The following REEP3 variants were observed in gnomAD, a reference collection of about 807,000 sequenced individuals.
REEP3 encodes receptor accessory protein 3.
Under a neutral mutation model 41.3 loss-of-function variants are expected in REEP3, and 20 were observed. The ratio of observed to expected loss-of-function variants is 0.48; its 90% CI spans 0.34 to 0.70. The LOEUF (loss-of-function observed/expected upper bound fraction) is 0.70, where lower values mean the gene tolerates loss of function less well. REEP3 is among the 30% of genes least tolerant of loss of function. The probability of loss-of-function intolerance (pLI) is 0.01; values close to 1 mark genes in which losing one functional copy is unlikely to be tolerated. For synonymous variants in REEP3, 104 were observed against 101.8 expected (o/e 1.02, Z -0.13); for missense variants, 271 against 308.8 (o/e 0.88, Z 0.92).
At chr10:63,530,539 A>G (rs1955410786) in intron 1 of REEP3, among the ~76,000 whole-genome samples, 1 of 152,236 alleles carries the variant, frequency 6.6e-6, no homozygotes, top group Admixed American at 6.5e-5. Flanking sequence ...GTCTTCTTTC[A>G]TTAAGAAAGA....
chr10:63,556,202 G>A (rs952397573), intron 1 of REEP3, among the ~76,000 whole-genome samples: 3 of 151,952 alleles, frequency 2.0e-5, no homozygotes, highest in Admixed American at 6.6e-5. Context: ...TGCAACCTCC[G>A]CTTCCCAGGT....
At chr10:63,595,533 C>T (rs768883422) in intron 3 of REEP3, among the ~76,000 whole-genome samples, 6 of 152,056 alleles carry the variant, frequency 3.9e-5, no homozygotes, top group Non-Finnish European at 8.8e-5. Flanking sequence ...CTGCCCTTGA[C>T]GCACAAACCT....
At chr10:63,578,117 A>G (rs916664212) in intron 2 of REEP3, among the ~76,000 whole-genome samples, 1 of 152,042 alleles carries the variant, frequency 6.6e-6, no homozygotes, top group Non-Finnish European at 1.5e-5. Context: ...TTATTTATTT[A>G]AAGTCGGAGT....
chr10:63,583,566 G>A (rs1955975429), intron 2 of REEP3, among the ~76,000 whole-genome samples: 1 of 152,176 alleles, frequency 6.6e-6, no homozygotes, highest in African/African-American at 2.4e-5. Context: ...GAGCCAGATG[G>A]AGTCGACTGT....
intron 1 of REEP3, among the ~76,000 whole-genome samples, chr10:63,541,842 A>G (rs1955531072): frequency 6.6e-6 from 1 of 152,188 alleles, no homozygotes. Flanking sequence ...GGATAAAAGC[A>G]ATATTAAATT....
At chr10:63,542,283 G>T (rs1262323181) in intron 1 of REEP3, among the ~76,000 whole-genome samples, 1 of 151,808 alleles carries the variant, frequency 6.6e-6, no homozygotes, top group Non-Finnish European at 1.5e-5. Context: ...TCCCATGCTG[G>T]CCAGTTGGTC....
At chr10:63,535,667 A>G (rs1476655038) in intron 1 of REEP3, among the ~76,000 whole-genome samples, 1 of 152,260 alleles carries the variant, frequency 6.6e-6, no homozygotes, top group African/African-American at 2.4e-5. Context: ...AACATGTAAC[A>G]AATCCAGAAA....
At chr10:63,552,450 A>G (rs1311106545) in intron 1 of REEP3, among the ~76,000 whole-genome samples, 3 of 152,202 alleles carry the variant, frequency 2.0e-5, no homozygotes, top group Non-Finnish European at 4.4e-5. Flanking sequence ...TGAACTATTA[A>G]TACCTAAAGT....
At chr10:63,615,549 T>C (rs1956305634) in intron 6 of REEP3, among the ~76,000 whole-genome samples, 1 of 114,312 alleles carries the variant, frequency 8.7e-6, no homozygotes, top group African/African-American at 2.8e-5. Flanking sequence ...TAAATTAAAC[T>C]TTTTTTTTTT....
chr10:63,560,850 G>A (rs1351479122), intron 1 of REEP3, among the ~76,000 whole-genome samples: 1 of 152,082 alleles, frequency 6.6e-6, no homozygotes, highest in Non-Finnish European at 1.5e-5. Flanking sequence ...GACATCTACA[G>A]TAGACCCCAG....
intron 1 of REEP3, among the ~76,000 whole-genome samples, chr10:63,527,106 G>A (rs750932374): frequency 6.6e-6 from 1 of 151,634 alleles, no homozygotes; most frequent in Non-Finnish European, 1.5e-5. Flanking sequence ...CTTAAAACCC[G>A]CAATTATTTT....
intron 3 of REEP3, among the ~76,000 whole-genome samples, chr10:63,595,524 T>C (rs765842813): frequency 6.6e-6 from 1 of 152,238 alleles, no homozygotes; most frequent in Non-Finnish European, 1.5e-5. Flanking sequence ...TATCTTCATC[T>C]GCCCTTGACG....
At chr10:63,543,224 A>T (rs1955545768) in intron 1 of REEP3, among the ~76,000 whole-genome samples, 1 of 152,200 alleles carries the variant, frequency 6.6e-6, no homozygotes, top group Non-Finnish European at 1.5e-5. Context: ...TTCACATGAA[A>T]ATTCTGTTCT....
At chr10:63,562,049 T>C (rs1041430493) in intron 1 of REEP3, among the ~76,000 whole-genome samples, 2 of 152,156 alleles carry the variant, frequency 1.3e-5, no homozygotes, top group African/African-American at 4.8e-5. Flanking sequence ...GATCTGGGAA[T>C]TGTGTTCTTG....
At chr10:63,534,367 C>T (rs1206979242) in intron 1 of REEP3, among the ~76,000 whole-genome samples, 1 of 152,132 alleles carries the variant, frequency 6.6e-6, no homozygotes, top group Admixed American at 6.5e-5. Flanking sequence ...CTTCCTGCTT[C>T]CACCTCCTAA....
In REEP3 at chr10:63,621,946, A is replaced by G. The variant is rs906385742; in HGVS notation, c.*1077A>G. On this transcript the variant is annotated 3_prime_UTR_variant, in exon 8 of 8. Transcript: ENST00000373758. ...CTCTTCTGGCTGAGATAATTTGCCA[A>G]TGCAAAATACAGTTGTCATTAATCC... The G allele has an allele frequency of 3.3e-5, 5 of 152,356 alleles. No homozygotes were observed. Among genetic ancestry groups the G allele is most frequent in the Non-Finnish European group, 7.4e-5 (5 of 68,022 alleles). 9.4% of individuals were successfully genotyped at this position (152,356 alleles called of 1,614,324 possible).
At chr10:63,607,050 G>A (rs1458552069) in intron 5 of REEP3, among the ~76,000 whole-genome samples, 1 of 152,192 alleles carries the variant, frequency 6.6e-6, no homozygotes, top group African/African-American at 2.4e-5. Flanking sequence ...GTAAAAACTG[G>A]AAGGAATAAG....
intron 1 of REEP3, among the ~76,000 whole-genome samples, chr10:63,545,190 A>G (rs1955565538): frequency 1.3e-5 from 2 of 152,206 alleles, no homozygotes; most frequent in Non-Finnish European, 2.9e-5. Flanking sequence ...TAAAATTTAC[A>G]TAATATATTT....
chr10:63,526,635 T>C (rs1955367207), intron 1 of REEP3, among the ~76,000 whole-genome samples: 1 of 152,120 alleles, frequency 6.6e-6, no homozygotes, highest in Admixed American at 6.5e-5. Flanking sequence ...TTTTCTTTTG[T>C]ATTTTATTTA....
Sources: allele counts gnomAD v4.1 joint callset (sites outside exome capture counted in the v4.1 genomes callset), GRCh38; gene constraint gnomAD v4.1.1; transcripts MANE v1.5; gene names NCBI Gene and HGNC (gene_info 2026-07-23, HGNC 2026-07-21).